Variants in FHIT observed in about 807,000 individuals in gnomAD.
FHIT encodes the protein fragile histidine triad diadenosine triphosphatase.
Under a neutral mutation model 17.9 loss-of-function variants are expected in FHIT, and 19 were observed. That is an observed-to-expected ratio of 1.06 (90% confidence interval 0.74 to 1.56). The LOEUF is 1.56. Among genes scored for constraint, FHIT ranks in the 40% most tolerant of loss-of-function variants. FHIT has a pLI of 0.00. For missense variants in FHIT, 248 were observed against 189.2 expected (o/e 1.31, Z -1.82); for synonymous variants, 81 against 69.7 (o/e 1.16, Z -0.81).
At chr3:60,521,455 G>A (rs1043908602) in intron 5 of FHIT, among the ~76,000 whole-genome samples, 1 of 152,086 alleles carries the variant, frequency 6.6e-6, no homozygotes, top group Non-Finnish European at 1.5e-5. Flanking sequence ...CACCGTGTTA[G>A]CCAGGATGGT....
intron 2 of FHIT, among the ~76,000 whole-genome samples, chr3:61,141,521 A>C (rs2037080659): frequency 6.9e-6 from 1 of 144,404 alleles, no homozygotes; most frequent in Non-Finnish European, 1.6e-5. Flanking sequence ...CGTTCATTTG[A>C]AAGTCAATAC....
chr3:60,298,987 T>C (rs776592992), intron 5 of FHIT, among the ~76,000 whole-genome samples: 15 of 152,096 alleles, frequency 9.9e-5, no homozygotes, highest in Admixed American at 2.6e-4. Flanking sequence ...AATGTAGCAA[T>C]CCATAACCAA....
intron 4 of FHIT, among the ~76,000 whole-genome samples, chr3:60,565,675 G>A (rs2037109706): frequency 6.6e-6 from 1 of 152,190 alleles, no homozygotes; most frequent in Non-Finnish European, 1.5e-5. Context: ...GGCAATAAGA[G>A]ACAGATTGAA....
rs114411858 is a variant in FHIT, at chr3:61,221,366, G to T, written c.-212-20701C>A. Among the ~76,000 whole-genome samples the T allele has an allele frequency of 6.3e-3, 965 of 152,286 alleles. 6 individuals are homozygous for T. Among genetic ancestry groups the T allele is most frequent in the Admixed American group, 9.8e-3 (150 of 15,296 alleles). ...AATAGCCTGAATTTGAGAAAAAGAG[G>T]TTCATCTTGGGGAGAAACTGATGTT... On this transcript the variant is annotated intron_variant, in intron 1 of 9. Transcript: ENST00000492590.
At chr3:61,232,325 T>G (rs2040126420) in intron 1 of FHIT, among the ~76,000 whole-genome samples, 1 of 152,184 alleles carries the variant, frequency 6.6e-6, no homozygotes, top group African/African-American at 2.4e-5. Flanking sequence ...AGGTGGAGGT[T>G]GCAGTGAGCT....
intron 5 of FHIT, among the ~76,000 whole-genome samples, chr3:60,200,405 C>G (rs1476619995): frequency 1.3e-5 from 2 of 152,176 alleles, no homozygotes; most frequent in Non-Finnish European, 2.9e-5. Context: ...ACTACAATTT[C>G]TAGTGGGTCA....
intron 8 of FHIT, among the ~76,000 whole-genome samples, chr3:59,908,096 A>G (rs922009975): frequency 6.6e-6 from 1 of 152,204 alleles, no homozygotes; most frequent in Admixed American, 6.5e-5. Flanking sequence ...CTCTTTTACC[A>G]TCTAACATAT....
intron 8 of FHIT, among the ~76,000 whole-genome samples, chr3:59,899,039 C>T (rs185592170): frequency 1.6e-4 from 24 of 152,262 alleles, no homozygotes; most frequent in Admixed American, 1.3e-3. Context: ...GTCCTCACTG[C>T]CATCTCTTCA....
chr3:60,649,583 C>T (rs999646943), intron 4 of FHIT, among the ~76,000 whole-genome samples: 1 of 151,976 alleles, frequency 6.6e-6, no homozygotes. Context: ...GGACATGATA[C>T]GTGGTAAAAT....
chr3:60,161,230 G>A (rs902701379), intron 5 of FHIT, among the ~76,000 whole-genome samples: 6 of 152,330 alleles, frequency 3.9e-5, no homozygotes, highest in South Asian at 2.1e-4. Context: ...TGCCAACTGC[G>A]TTGTCCCTAT....
intron 2 of FHIT, among the ~76,000 whole-genome samples, chr3:61,114,302 G>A (rs1217312406): frequency 6.6e-6 from 1 of 152,152 alleles, no homozygotes; most frequent in East Asian, 1.9e-4. Flanking sequence ...GAAAACAAAT[G>A]TGCATCCCTG....
At chr3:60,148,655 A>C (rs1700338350) in intron 5 of FHIT, among the ~76,000 whole-genome samples, 1 of 152,170 alleles carries the variant, frequency 6.6e-6, no homozygotes, top group Non-Finnish European at 1.5e-5. Flanking sequence ...GTAGTTAAAG[A>C]CCAAATATCT....
chr3:60,924,556 G>A (rs536590139), intron 3 of FHIT, among the ~76,000 whole-genome samples: 79 of 152,236 alleles, frequency 5.2e-4, no homozygotes, highest in African/African-American at 1.8e-3. Context: ...AACCCCATCT[G>A]TACGTCACCA....
intron 5 of FHIT, among the ~76,000 whole-genome samples, chr3:60,032,444 C>T (rs962815826): frequency 5.9e-5 from 7 of 119,618 alleles, no homozygotes; most frequent in Admixed American, 3.3e-4. Flanking sequence ...GGAGCAAGAC[C>T]GTACCTTGAA....
In FHIT at chr3:60,458,136, A is replaced by T. The variant is rs1013083510; in HGVS notation, c.103+78724T>A. 2.0e-5 allele frequency among the ~76,000 whole-genome samples: 3 copies of T among 152,192 alleles called. 1 individual carries two copies. The highest frequency in any genetic ancestry group is 7.2e-5 in the African/African-American group (3 of 41,454). ...CTGCTATAAAGACACATGCACACGT[A>T]TGTTTATTGCGGCACTACTCACACT... On this transcript the variant is annotated intron_variant, in intron 5 of 9. Coordinates refer to ENST00000492590, the MANE Select transcript of FHIT (RefSeq NM_002012.4).
intron 3 of FHIT, among the ~76,000 whole-genome samples, chr3:60,990,254 A>G (rs2030064527): frequency 6.6e-6 from 1 of 152,254 alleles, no homozygotes; most frequent in South Asian, 2.1e-4. Flanking sequence ...ACAGCAGCTA[A>G]GAGAGTGGCG....
intron 1 of FHIT, among the ~76,000 whole-genome samples, chr3:61,227,631 G>T (rs533286005): frequency 6.6e-6 from 1 of 152,178 alleles, no homozygotes; most frequent in South Asian, 2.1e-4. Context: ...AAATAAAGAA[G>T]AAAAAGGTTC....
chr3:60,283,455 A>G (rs1454883119), intron 5 of FHIT, among the ~76,000 whole-genome samples: 1 of 152,140 alleles, frequency 6.6e-6, no homozygotes, highest in African/African-American at 2.4e-5. Flanking sequence ...TATGTAATTC[A>G]ATGCTTTTCA....
intron 8 of FHIT, among the ~76,000 whole-genome samples, chr3:59,844,173 T>G (rs1033782610): frequency 6.6e-6 from 1 of 152,154 alleles, no homozygotes; most frequent in Non-Finnish European, 1.5e-5. Context: ...TAAACCTCAT[T>G]TCTTTATAAA....
Sources: gnomAD v4.1 joint callset for allele counts (sites outside exome capture counted in the v4.1 genomes callset) on GRCh38, gnomAD v4.1.1 for gene constraint, MANE v1.5 for transcripts, NCBI Gene and HGNC (gene_info 2026-07-23, HGNC 2026-07-21) for gene names.